Variants in MYO10 observed in about 807,000 individuals in gnomAD.
MYO10 encodes the protein unconventional myosin-X.
MYO10 carries 133 observed loss-of-function variants against 257.3 expected under a neutral mutation model. The observed-to-expected ratio is 0.52, with a 90% CI of 0.45 to 0.60. The LOEUF (loss-of-function observed/expected upper bound fraction) is 0.60, where lower values mean the gene tolerates loss of function less well. Among genes scored for constraint, MYO10 ranks in the 20% least tolerant of loss-of-function variants. MYO10 has a pLI of 0.00. For missense variants in MYO10, 2,399 were observed against 2,635.7 expected, an observed-to-expected ratio of 0.91 and a Z score of 1.97; for synonymous variants, 1,104 against 1,028.6, an observed-to-expected ratio of 1.07 and a Z score of -1.40.
At chr5:16,777,135 T>C (rs1014371294) in intron 9 of MYO10, among the ~76,000 whole-genome samples, 1 of 152,114 alleles carries the variant, frequency 6.6e-6, no homozygotes. Context: ...GAAAAGATAA[T>C]TAAAATACTT....
At chr5:16,731,108 C>T (rs1739566488) in intron 19 of MYO10, among the ~76,000 whole-genome samples, 1 of 150,222 alleles carries the variant, frequency 6.7e-6, no homozygotes, top group African/African-American at 2.5e-5. Flanking sequence ...TGCAGTGGCA[C>T]GATCTTGGCT....
At chr5:16,769,049 G>A (rs993278489) in intron 10 of MYO10, 25 bp downstream of exon 10, 2 of 1,586,836 alleles carry the variant, frequency 1.3e-6, no homozygotes, top group South Asian at 1.2e-5. Context: ...AAGGGAGCGA[G>A]GAGGGCAGGC....
chr5:16,880,041 A>G (rs930699950), intron 1 of MYO10, among the ~76,000 whole-genome samples: 1 of 152,178 alleles, frequency 6.6e-6, no homozygotes, highest in Non-Finnish European at 1.5e-5. Flanking sequence ...TTAGCCAGAC[A>G]TGGTGGCGCA....
intron 28 of MYO10, among the ~76,000 whole-genome samples, chr5:16,689,354 T>C (rs1408914089): frequency 2.0e-5 from 3 of 152,192 alleles, no homozygotes; most frequent in Non-Finnish European, 4.4e-5. Context: ...ACCTCTTCCG[T>C]TGAATTCTTC....
At position 16,935,900 on chromosome 5, in the gene MYO10, C is replaced by T; in HGVS notation, c.-92G>A. Reference sequence around the variant, plus strand: ...TCCGGGGAAACCATGCGTGTCACGGCGCCACTCCCGAGGACGCGCGCCCGC... The same window carrying T: ...TCCGGGGAAACCATGCGTGTCACGGTGCCACTCCCGAGGACGCGCGCCCGC... On this transcript the variant is annotated 5_prime_UTR_variant, in exon 1 of 41. Transcript: ENST00000513610. 6.6e-7 allele frequency: 1 copy of T among 1,518,508 alleles called. No individual in the cohort carries two copies. The highest frequency in any genetic ancestry group is 9.0e-7 in the Non-Finnish European group (1 of 1,115,846). 94.1% of individuals were successfully genotyped at this position (1,518,508 alleles called of 1,614,324 possible). A position where few individuals can be genotyped will look rare whatever the true frequency, so the allele number is the denominator to read the frequency against.
intron 19 of MYO10, among the ~76,000 whole-genome samples, chr5:16,747,744 C>G (rs1740239256): frequency 6.6e-6 from 1 of 151,690 alleles, no homozygotes; most frequent in South Asian, 2.1e-4. Context: ...CAGAGAAACC[C>G]CCGTCTCTAC....
intron 9 of MYO10, among the ~76,000 whole-genome samples, chr5:16,769,500 A>C (rs1004611501): frequency 6.6e-6 from 1 of 152,056 alleles, no homozygotes; most frequent in Non-Finnish European, 1.5e-5. Flanking sequence ...ATGCCTAGCT[A>C]ATTTTTTGTG....
chr5:16,817,387 C>G (rs755749008), intron 3 of MYO10, among the ~76,000 whole-genome samples: 5 of 152,126 alleles, frequency 3.3e-5, no homozygotes, highest in Non-Finnish European at 5.9e-5. Context: ...TGTACTTTCA[C>G]GTCAAAAATT....
rs1736122932 is a variant in MYO10, at chr5:16,665,487, G to A, written c.*1205C>T. The A allele has an allele frequency of 6.6e-6, 1 of 152,150 alleles. No individual in the cohort carries two copies. The highest frequency in any genetic ancestry group is 2.4e-5 in the African/African-American group (1 of 41,454). 9.4% of individuals were successfully genotyped at this position (152,150 alleles called of 1,614,324 possible). On this transcript the variant is annotated 3_prime_UTR_variant, in exon 41 of 41. Coordinates refer to ENST00000513610, the MANE Select transcript of MYO10 (RefSeq NM_012334.3). ...GATTATTTTTCTTCTGGTCATAAAT[G>A]CTGATTTATTTACAGGTGCCTTGTT...
chr5:16,889,988 A>G (rs1459202699), intron 1 of MYO10, among the ~76,000 whole-genome samples: 1 of 151,922 alleles, frequency 6.6e-6, no homozygotes, highest in African/African-American at 2.4e-5. Flanking sequence ...ATCTGTTTTC[A>G]GAAAAAATAC....
At chr5:16,734,572 A>AG (rs1369992007) in intron 19 of MYO10, among the ~76,000 whole-genome samples, 1 of 152,172 alleles carries the variant, frequency 6.6e-6, no homozygotes, top group Non-Finnish European at 1.5e-5. Context: ...TGGGAGGCCA[A>AG]GGTGGGCGGA....
intron 4 of MYO10, among the ~76,000 whole-genome samples, chr5:16,792,584 G>A (rs1222388453): frequency 5.3e-5 from 3 of 56,114 alleles, no homozygotes; most frequent in Admixed American, 1.9e-4. Context: ...CCACAGGAGC[G>A]GGGGGCGGGG....
intron 10 of MYO10, 46 bp from the exon 11 acceptor site, chr5:16,766,244 A>G (rs1205454044): frequency 1.4e-6 from 2 of 1,464,496 alleles, no homozygotes; most frequent in Admixed American, 3.6e-5. Flanking sequence ...GCCCCCAAGA[A>G]GCTAACCAGG....
In MYO10 at chr5:16,666,724, G is replaced by A. The variant is rs562600770; in HGVS notation, c.6145C>T (p.Arg2049Cys). The A allele has an allele frequency of 1.7e-5, 28 of 1,606,804 alleles. No homozygotes were observed. The highest frequency in any genetic ancestry group is 1.7e-4 in the Middle Eastern group (1 of 6,056). Residue 2049 changes from arginine to cysteine, a missense_variant, in exon 41 of 41, where the codon CGC (arginine) becomes TGC (cysteine). Arg to Cys is a radical substitution (Grantham distance 180). This residue lies in a region of MYO10 where 1,820 missense variants were observed against 1,939.4 expected (regional missense o/e 0.94). Coordinates refer to ENST00000513610, the MANE Select transcript of MYO10 (RefSeq NM_012334.3). ...GAGCTGCCCTGGCTGCTGGCGGAGC[G>A]TGTCGTGCTGTAGCGCTTCTTCACG... ...MIVKKRYSTTRSASSQGSSR is the reference protein window; with the variant it reads ...MIVKKRYSTTCSASSQGSSR
chr5:16,791,503 A>G (rs1039856863), intron 4 of MYO10, among the ~76,000 whole-genome samples: 1 of 151,996 alleles, frequency 6.6e-6, no homozygotes, highest in African/African-American at 2.4e-5. Flanking sequence ...TTATTTTTAA[A>G]TACCATGAAA....
At chr5:16,866,860 T>G (rs1250170173) in intron 2 of MYO10, among the ~76,000 whole-genome samples, 1 of 152,036 alleles carries the variant, frequency 6.6e-6, no homozygotes, top group Non-Finnish European at 1.5e-5. Context: ...CTCACGCATT[T>G]ACTGCCTCCC....
At chr5:16,883,445 C>T (rs547386415) in intron 1 of MYO10, among the ~76,000 whole-genome samples, 66 of 152,264 alleles carry the variant, frequency 4.3e-4, no homozygotes, top group Non-Finnish European at 8.4e-4. Context: ...TAACAGACCA[C>T]GCAGGAGACT....
chr5:16,783,505 T>C lies in MYO10; in HGVS notation c.468-36A>G, dbSNP rs773021929. The C allele has an allele frequency of 8.2e-6, 13 of 1,583,980 alleles. No homozygotes were observed. In the East Asian group the frequency reaches 2.7e-4, roughly 33 times the overall value. Reference sequence around the variant, plus strand: ...AAACGGAAAAGTTTGTGCTTCTAACTATAATTTTTAAAAAAAAATCAGCTT... The same window carrying C: ...AAACGGAAAAGTTTGTGCTTCTAACCATAATTTTTAAAAAAAAATCAGCTT... On this transcript the variant is annotated intron_variant, in intron 4 of 40. Transcript: ENST00000513610.
At chr5:16,751,040 C>T (rs972794441) in intron 19 of MYO10, among the ~76,000 whole-genome samples, 1 of 152,058 alleles carries the variant, frequency 6.6e-6, no homozygotes, top group African/African-American at 2.4e-5. Context: ...TTTTCTAAAA[C>T]CCATGCTCCT....
Sources: gnomAD v4.1 joint callset for allele counts (sites outside exome capture counted in the v4.1 genomes callset) on GRCh38, gnomAD v4.1.1 for gene constraint, gnomAD v4.1.1 regional missense constraint, MANE v1.5 for transcripts, NCBI Gene and HGNC (gene_info 2026-07-23, HGNC 2026-07-21) for gene names.